Variants in ST7L observed in about 807,000 individuals in gnomAD.
ST7L encodes suppressor of tumorigenicity 7 protein-like.
In ST7L, 57 loss-of-function variants were observed where a neutral mutation model predicts 72.5. The observed-to-expected ratio is 0.79, with a 90% CI of 0.64 to 0.98. ST7L has a LOEUF of 0.98. Among genes scored for constraint, ST7L ranks in the 50% least tolerant of loss-of-function variants. The pLI is 0.00. For missense variants in ST7L, 576 were observed against 672.2 expected, an observed-to-expected ratio of 0.86 and a Z score of 1.58; for synonymous variants, 221 against 240.9, an observed-to-expected ratio of 0.92 and a Z score of 0.77.
intron 11 of ST7L, among the ~76,000 whole-genome samples, chr1:112,559,338 A>G (rs778348284): frequency 8.5e-4 from 130 of 152,110 alleles, no homozygotes; most frequent in Non-Finnish European, 1.1e-3. Context: ...GGTTCCAATG[A>G]TTCTCCTGCC....
At chr1:112,569,894 G>A (rs1226213476) in intron 11 of ST7L, among the ~76,000 whole-genome samples, 1 of 145,052 alleles carries the variant, frequency 6.9e-6, no homozygotes, top group African/African-American at 2.5e-5. Flanking sequence ...GGAGGTGGAA[G>A]TTGCAGTGAG....
intron 14 of ST7L, chr1:112,540,167 A>G (rs1161137066): frequency 1.0e-6 from 1 of 985,280 alleles, no homozygotes; most frequent in African/African-American, 1.7e-5. Flanking sequence ...AACAGTTGGT[A>G]TAGATCTATT....
intron 5 of ST7L, among the ~76,000 whole-genome samples, chr1:112,595,370 G>GAAAAAAAA (rs67553307): frequency 3.8e-5 from 2 of 52,022 alleles, no homozygotes; most frequent in Admixed American, 2.3e-4. Context: ...GGTCTCAAAA[G>GAAAAAAAA]AAAAAAAAAA....
At chr1:112,563,817 T>C (rs1660539244) in intron 11 of ST7L, among the ~76,000 whole-genome samples, 1 of 152,240 alleles carries the variant, frequency 6.6e-6, no homozygotes, top group Admixed American at 6.5e-5. Context: ...CTTTATAATT[T>C]ATCTTTAGAT....
intron 12 of ST7L, among the ~76,000 whole-genome samples, chr1:112,551,138 C>CTTTTTTTT (rs567601091): frequency 3.6e-4 from 28 of 77,226 alleles, no homozygotes; most frequent in African/African-American, 1.6e-3. Context: ...ATGAGCAGAT[C>CTTTTTTTT]TTTTTTTTTT....
rs1656077308 is a variant in ST7L at position 112,541,403 on chromosome 1, A to G, written c.1629+548T>C. On this transcript the variant is annotated intron_variant, in intron 14 of 14. Coordinates refer to ENST00000358039, the MANE Select transcript of ST7L (RefSeq NM_017744.5). ...TAAAGGGTAAAAATGAAAATATAGA[A>G]CTACACATGGTTCTATATCCAAGTC... Among the ~76,000 whole-genome samples the G allele has an allele frequency of 2.0e-5, 3 of 152,220 alleles. No individual in the cohort carries two copies. In the South Asian group the frequency reaches 6.2e-4, roughly 32 times the overall value.
chr1:112,591,857 A>G (rs975918446), intron 5 of ST7L, among the ~76,000 whole-genome samples: 1 of 152,174 alleles, frequency 6.6e-6, no homozygotes, highest in Non-Finnish European at 1.5e-5. Flanking sequence ...CAAGTTAATT[A>G]TATCATTATT....
intron 3 of ST7L, among the ~76,000 whole-genome samples, chr1:112,603,747 C>T (rs1667782915): frequency 1.3e-5 from 2 of 152,202 alleles, no homozygotes; most frequent in African/African-American, 4.8e-5. Context: ...AAGGTACCTG[C>T]AGGGTACCAG....
intron 6 of ST7L, among the ~76,000 whole-genome samples, chr1:112,587,671 T>G (rs1571188833): frequency 6.6e-6 from 1 of 152,246 alleles, no homozygotes; most frequent in Non-Finnish European, 1.5e-5. Flanking sequence ...AATCTCAATT[T>G]GAATCCATTG....
intron 11 of ST7L, among the ~76,000 whole-genome samples, 186 bp downstream of exon 11, chr1:112,576,800 C>G (rs948933846): frequency 2.0e-5 from 3 of 152,156 alleles, no homozygotes; most frequent in African/African-American, 7.2e-5. Flanking sequence ...CTAACTATTG[C>G]TCCTATCTAC....
In ST7L at chr1:112,556,981, AAAAC is replaced by A. The variant is rs1169358536; in HGVS notation, c.1246-967_1246-964del. Among the ~76,000 whole-genome samples the A allele has an allele frequency of 8.9e-4, 114 of 128,178 alleles. 9 individuals are homozygous for A. The highest frequency in any genetic ancestry group is 2.6e-3 in the African/African-American group (63 of 24,160). The allele number at this position is 128,178 out of a possible 152,430, so 84.1% of individuals were successfully genotyped here. A position where few individuals can be genotyped will look rare whatever the true frequency, so the allele number is the denominator to read the frequency against. ...GACTCTGTCTCAAAAAAAAAAAAAA[AAAAC>A]AAAAAAAAAAAAACACAAAGAAAAG... On this transcript the variant is annotated intron_variant, in intron 11 of 14. Coordinates refer to ENST00000358039, the MANE Select transcript of ST7L (RefSeq NM_017744.5).
At chr1:112,562,361 T>A (rs1044519887) in intron 11 of ST7L, among the ~76,000 whole-genome samples, 1 of 152,006 alleles carries the variant, frequency 6.6e-6, no homozygotes. Context: ...CTATATAAGC[T>A]AGGAAGAGTG....
chr1:112,556,160 T>G, intron 11 of ST7L, 142 bp from the exon 12 acceptor site: 1 of 574,692 alleles, frequency 1.7e-6, no homozygotes, highest in Non-Finnish European at 2.7e-6. Flanking sequence ...TGAAATGACA[T>G]GAAGATACTG....
At chr1:112,594,613 T>C (rs983147988) in intron 5 of ST7L, among the ~76,000 whole-genome samples, 7 of 152,206 alleles carry the variant, frequency 4.6e-5, no homozygotes, top group Non-Finnish European at 8.8e-5. Context: ...TGGTAAGTTC[T>C]AGGCAAAGTT....
At chr1:112,577,128 A>T (rs1464635971) in intron 10 of ST7L, 40 bp from the exon 11 acceptor site, 1 of 1,340,616 alleles carries the variant, frequency 7.5e-7, no homozygotes, top group African/African-American at 1.5e-5. Flanking sequence ...AATATGCTAA[A>T]AAAAAGAAAA....
At chr1:112,558,426 CTTTA>C (rs763470757) in intron 11 of ST7L, among the ~76,000 whole-genome samples, 5 of 152,274 alleles carry the variant, frequency 3.3e-5, no homozygotes, top group Non-Finnish European at 5.9e-5. Context: ...TTAAGCCTTA[CTTTA>C]TTTAATCAAT....
chr1:112,582,485 AC>A lies in ST7L; in HGVS notation c.857-14del. The A allele has an allele frequency of 6.6e-7, 1 of 1,505,616 alleles. No individual in the cohort carries two copies. Among genetic ancestry groups the A allele is most frequent in the Admixed American group, 1.8e-5 (1 of 55,322 alleles). 93.3% of individuals were successfully genotyped at this position (1,505,616 alleles called of 1,614,324 possible). On this transcript the variant is annotated splice_polypyrimidine_tract_variant and intron_variant, in intron 7 of 14. Transcript: ENST00000358039. ...TTGGTATCTCTCCCTATTTAGAAAA[AC>A]AAAAAAATGATACAACTATCACTTT...
chr1:112,578,529 A>G, intron 9 of ST7L, 112 bp from the exon 10 acceptor site: 1 of 926,282 alleles, frequency 1.1e-6, no homozygotes. Flanking sequence ...TAATCCCAGC[A>G]CTTAGGGAGG....
At chr1:112,609,771 G>A (rs532050090) in intron 3 of ST7L, among the ~76,000 whole-genome samples, 31 of 152,174 alleles carry the variant, frequency 2.0e-4, no homozygotes, top group African/African-American at 6.5e-4. Flanking sequence ...GCAGTGAGCC[G>A]AGATCGCACC....
Sources: gnomAD v4.1 joint callset for allele counts (sites outside exome capture counted in the v4.1 genomes callset) on GRCh38, gnomAD v4.1.1 for gene constraint, MANE v1.5 for transcripts, NCBI Gene and HGNC (gene_info 2026-07-23, HGNC 2026-07-21) for gene names.